AGAP1: variants seen among roughly 807,000 people sequenced by gnomAD.
AGAP1 encodes the protein ArfGAP with GTPase domain, ankyrin repeat and PH domain 1, also known as arf-GAP with GTPase, ANK repeat and PH domain-containing protein 1.
Under a neutral mutation model 105.3 loss-of-function variants are expected in AGAP1, and 29 were observed. That is an observed-to-expected ratio of 0.28 (90% confidence interval 0.21 to 0.38). The LOEUF (loss-of-function observed/expected upper bound fraction) is 0.38. Among genes scored for constraint, AGAP1 ranks in the 10% least tolerant of loss-of-function variants. The pLI is 1.00. For synonymous variants in AGAP1, 509 were observed against 485.9 expected, an observed-to-expected ratio of 1.05 and a Z score of -0.63; for missense variants, 998 against 1,165.1, an observed-to-expected ratio of 0.86 and a Z score of 2.09.
At chr2:235,757,715 A>G (rs1005072328) in intron 6 of AGAP1, among the ~76,000 whole-genome samples, 2 of 152,150 alleles carry the variant, frequency 1.3e-5, no homozygotes, top group Admixed American at 1.3e-4. Context: ...TTGTGCGGGA[A>G]GTCAGGGAGC....
In AGAP1 at chr2:235,675,165, TGTTGGTTG is replaced by T. The variant is rs1227983549; in HGVS notation, c.164-33994_164-33987del. 1.5e-4 allele frequency among the ~76,000 whole-genome samples: 22 copies of T among 150,454 alleles called. 1 individual carries two copies. The highest frequency in any genetic ancestry group is 1.3e-3 in the South Asian group (6 of 4,732). ...ATTTGTTACTGAAAAGGACACTTTTTGTTGGTTGGTTGGTTGGTTGGTTGGTTTTTTTT... is the reference window on the plus strand; with the variant it reads ...ATTTGTTACTGAAAAGGACACTTTTTGTTGGTTGGTTGGTTGGTTTTTTTT... On this transcript the variant is annotated intron_variant, in intron 1 of 17. Coordinates refer to ENST00000304032, the MANE Select transcript of AGAP1 (RefSeq NM_001037131.3).
In AGAP1 at chr2:236,038,549, G is replaced by C. The variant is rs180862004; in HGVS notation, c.1800+1834G>C. Among the ~76,000 whole-genome samples, 3 of 152,182 alleles carry C rather than the reference G, an allele frequency of 2.0e-5. No individual in the cohort carries two copies. The highest frequency in any genetic ancestry group is 4.4e-5 in the Non-Finnish European group (3 of 68,036). The stretch of plus-strand genomic sequence containing the variant: ...GGAATTGCTCCCTTGGGAGGAGGAC[G>C]CGTTGAGCAACCAAAGGTGGCCGAC... On this transcript the variant is annotated intron_variant, in intron 14 of 17. Coordinates refer to ENST00000304032, the MANE Select transcript of AGAP1 (RefSeq NM_001037131.3). The surrounding 1 kb of genome is among the most constrained non-coding windows in gnomAD (Gnocchi z 4.5).
intron 1 of AGAP1, among the ~76,000 whole-genome samples, chr2:235,675,092 GAAATA>G (rs1559335461): frequency 6.6e-6 from 1 of 151,700 alleles, no homozygotes; most frequent in Non-Finnish European, 1.5e-5. Flanking sequence ...GCAATTAAAT[GAAATA>G]AAATTACTGA....
At position 236,038,815 on chromosome 2, in the gene AGAP1, T is replaced by TTGTGTGTGTGTGTG. The variant is rs751193768; in HGVS notation, c.1801-1933_1801-1932insGTGTGTGTGTGTGT. Among the ~76,000 whole-genome samples the TTGTGTGTGTGTGTG allele has an allele frequency of 1.6e-5, 2 of 128,572 alleles. No individual in the cohort carries two copies. The highest frequency in any genetic ancestry group is 4.9e-4 in the South Asian group (2 of 4,062). 84.3% of individuals were successfully genotyped at this position (128,572 alleles called of 152,430 possible). A position where few individuals can be genotyped will look rare whatever the true frequency, so the allele number is the denominator to read the frequency against. On this transcript the variant is annotated intron_variant, in intron 14 of 17. Transcript: ENST00000304032. The surrounding 1 kb of genome is among the most constrained non-coding windows in gnomAD (Gnocchi z 4.5). ...CACAGAGAGACAGAGGCACATCCCTTTGTATGTGTGTGTGTGTGTGTGTGT... is the reference window on the plus strand; with the variant it reads ...CACAGAGAGACAGAGGCACATCCCTTTGTGTGTGTGTGTGTGTATGTGTGTGTGTGTGTGTGTGT...
rs890072176 is a variant in AGAP1, at chr2:236,053,668, A to G, written c.2114+4387A>G. 8.5e-5 allele frequency among the ~76,000 whole-genome samples: 13 copies of G among 152,218 alleles called. No homozygotes were observed. Among genetic ancestry groups the G allele is most frequent in the African/African-American group, 2.9e-4 (12 of 41,470 alleles). ...CTGGTGTCAAAGCATTTGGCCCCCA[A>G]GGCCCTGCAGGGACTCGCTGCTATT... On this transcript the variant is annotated intron_variant, in intron 16 of 17. Coordinates refer to ENST00000304032, the MANE Select transcript of AGAP1 (RefSeq NM_001037131.3). The surrounding 1 kb of genome is among the most constrained non-coding windows in gnomAD (Gnocchi z 4.6).
rs1214146306 is a variant in AGAP1 at position 235,737,836 on chromosome 2, G to C, written c.311-3127G>C. Among the ~76,000 whole-genome samples, 1 of 152,112 alleles carries C rather than the reference G, an allele frequency of 6.6e-6. No individual in the cohort carries two copies. The highest frequency in any genetic ancestry group is 1.5e-5 in the Non-Finnish European group (1 of 68,020). On this transcript the variant is annotated intron_variant, in intron 3 of 17. Transcript: ENST00000304032. The surrounding 1 kb of genome is among the most constrained non-coding windows in gnomAD (Gnocchi z 4.5). ...CCCTTCTTGCTCTGGAGGTGACACA[G>C]TCTAGGGATCTAGTGAGGAATGGGA... is the stretch of plus-strand genomic sequence containing the variant.
chr2:235,565,730 TG>T (rs2149147474), intron 1 of AGAP1, among the ~76,000 whole-genome samples: 1 of 152,310 alleles, frequency 6.6e-6, no homozygotes, highest in Non-Finnish European at 1.5e-5. Flanking sequence ...GCATGATTTC[TG>T]CTCACTGCAA....
At chr2:235,767,663 G>C (rs2149823678) in intron 6 of AGAP1, among the ~76,000 whole-genome samples, 1 of 152,188 alleles carries the variant, frequency 6.6e-6, no homozygotes. Context: ...GACCTTTCCA[G>C]AGGATTAGCA....
chr2:235,731,837 C>T (rs979608279), intron 3 of AGAP1, among the ~76,000 whole-genome samples: 40 of 152,074 alleles, frequency 2.6e-4, no homozygotes, highest in African/African-American at 7.5e-4. Context: ...CGTCAAAAAA[C>T]GCAGGCTCTA....
chr2:236,121,896 C>G lies in AGAP1; in HGVS notation c.2370+1449C>G, dbSNP rs1211919474. Among the ~76,000 whole-genome samples the G allele has an allele frequency of 1.6e-4, 25 of 152,160 alleles. No homozygotes were observed. The highest frequency in any genetic ancestry group is 5.9e-5 in the Non-Finnish European group (4 of 68,040). On this transcript the variant is annotated intron_variant, in intron 17 of 17. Transcript: ENST00000304032. This position sits in a 1 kb window ranked among gnomAD's most constrained non-coding sequence, Gnocchi z 4.9. ...CGGCTGGTAGACGGCCGCCCTCTCC[C>G]TATGTTCTCACAGGGCCTTTCCTCT...
Position 236,040,534 on chromosome 2 carries a change from A to C in AGAP1, c.1801-217A>C. Reference sequence around the variant, plus strand: ...CAGAGTCCGTCTCAGCTGATGAGTTAAAATGTGACATTTCCTCCCTCCCCC... The same window carrying C: ...CAGAGTCCGTCTCAGCTGATGAGTTCAAATGTGACATTTCCTCCCTCCCCC... On this transcript the variant is annotated intron_variant, in intron 14 of 17. Transcript: ENST00000304032. This position sits in a 1 kb window ranked among gnomAD's most constrained non-coding sequence, Gnocchi z 5.6. The C allele has an allele frequency of 3.8e-5, 18 of 474,768 alleles. No individual in the cohort carries two copies. The highest frequency in any genetic ancestry group is 1.2e-4 in the East Asian group (3 of 25,662). 29.4% of individuals were successfully genotyped at this position (474,768 alleles called of 1,614,324 possible).
At chr2:235,763,035 G>GGTGTGTGTGTGTGTGTGTGTGTGTGTGT (rs145122803) in intron 6 of AGAP1, among the ~76,000 whole-genome samples, 2 of 139,976 alleles carry the variant, frequency 1.4e-5, no homozygotes, top group African/African-American at 5.2e-5. Flanking sequence ...TTAAGGCTCG[G>GGTGTGTGTGTGTGTGTGTGTGTGTGTGT]GTGTGTGTGT....
At chr2:235,907,010 T>C (rs2051337829) in intron 10 of AGAP1, among the ~76,000 whole-genome samples, 1 of 151,656 alleles carries the variant, frequency 6.6e-6, no homozygotes, top group African/African-American at 2.4e-5. Context: ...AGTGAGACTC[T>C]TGTCTCAAAA....
At position 236,120,543 on chromosome 2, in the gene AGAP1, G is replaced by T; in HGVS notation, c.2370+96G>T. 6.4e-7 allele frequency: 1 copy of T among 1,558,082 alleles called. No individual in the cohort carries two copies. The highest frequency in any genetic ancestry group is 1.2e-5 in the South Asian group (1 of 81,984). On this transcript the variant is annotated intron_variant, in intron 17 of 17. Coordinates refer to ENST00000304032, the MANE Select transcript of AGAP1 (RefSeq NM_001037131.3). This position sits in a 1 kb window ranked among gnomAD's most constrained non-coding sequence, Gnocchi z 6.0. Reference sequence around the variant, plus strand: ...GGCATCTTTCTGGCAGAAGGCTGTTGTTCTCGATCTGCAAGTGGAAACAGT... The same window carrying T: ...GGCATCTTTCTGGCAGAAGGCTGTTTTTCTCGATCTGCAAGTGGAAACAGT...
In AGAP1 at chr2:235,887,252, C is replaced by G. The variant is rs980883120; in HGVS notation, c.1155+3803C>G. 1.3e-5 allele frequency among the ~76,000 whole-genome samples: 2 copies of G among 152,052 alleles called. No individual in the cohort carries two copies. The highest frequency in any genetic ancestry group is 1.5e-5 in the Non-Finnish European group (1 of 68,024). ...CACATGCAGTGGTGGCATAAGTGGTCAAGTGTTGGGAAAGCTGCCAGGATT... is the reference window on the plus strand; with the variant it reads ...CACATGCAGTGGTGGCATAAGTGGTGAAGTGTTGGGAAAGCTGCCAGGATT... On this transcript the variant is annotated intron_variant, in intron 10 of 17. Coordinates refer to ENST00000304032, the MANE Select transcript of AGAP1 (RefSeq NM_001037131.3). This position sits in a 1 kb window ranked among gnomAD's most constrained non-coding sequence, Gnocchi z 4.1.
chr2:236,025,560 G>A (rs558789500), intron 13 of AGAP1, among the ~76,000 whole-genome samples: 8 of 152,242 alleles, frequency 5.3e-5, no homozygotes, highest in East Asian at 1.9e-4. Flanking sequence ...CATAATGAGC[G>A]TAAATGGTCA....
Position 235,721,674 on chromosome 2 carries a change from T to A in AGAP1, c.310+4030T>A, listed in dbSNP as rs563414305. The stretch of plus-strand genomic sequence containing the variant: ...TCTGCAGCTTAGAGGTTGAATCTGT[T>A]CTATGTCTGTGCGGTTCTGATTTAA... On this transcript the variant is annotated intron_variant, in intron 3 of 17. Transcript: ENST00000304032. This position sits in a 1 kb window ranked among gnomAD's most constrained non-coding sequence, Gnocchi z 4.5. 6.6e-6 allele frequency among the ~76,000 whole-genome samples: 1 copy of A among 152,334 alleles called. No individual in the cohort carries two copies. Among genetic ancestry groups the A allele is most frequent in the African/African-American group, 2.4e-5 (1 of 41,568 alleles).
Position 236,126,381 on chromosome 2 carries a change from T to C in AGAP1, c.*2259T>C, listed in dbSNP as rs960876209. ...GTAGACTCTGTAGTGGACACAGATATAGCATAAATGAAATTGTTAAATTAT... is the reference window on the plus strand; with the variant it reads ...GTAGACTCTGTAGTGGACACAGATACAGCATAAATGAAATTGTTAAATTAT... On this transcript the variant is annotated 3_prime_UTR_variant, in exon 18 of 18. Transcript: ENST00000304032. 2 of 152,212 alleles carry C rather than the reference T, an allele frequency of 1.3e-5. No homozygotes were observed. Among genetic ancestry groups the C allele is most frequent in the African/African-American group, 2.4e-5 (1 of 41,454 alleles). The allele number at this position is 152,212 out of a possible 1,614,324, so 9.4% of individuals were successfully genotyped here.
In AGAP1 at chr2:235,754,626, G is replaced by T. The variant is rs1299058011; in HGVS notation, c.673+4138G>T. Among the ~76,000 whole-genome samples, 1 of 152,160 alleles carries T rather than the reference G, an allele frequency of 6.6e-6. No individual in the cohort carries two copies. Among genetic ancestry groups the T allele is most frequent in the African/African-American group, 2.4e-5 (1 of 41,442 alleles). On this transcript the variant is annotated intron_variant, in intron 6 of 17. Coordinates refer to ENST00000304032, the MANE Select transcript of AGAP1 (RefSeq NM_001037131.3). This position sits in a 1 kb window ranked among gnomAD's most constrained non-coding sequence, Gnocchi z 4.6. ...CATTCACTTTTTGTTCGCTTGTGTG[G>T]TCCTGTTTACTTTGCTTTCATGGAG...
Sources: allele counts gnomAD v4.1 joint callset (sites outside exome capture counted in the v4.1 genomes callset), GRCh38; gene constraint gnomAD v4.1.1; non-coding constraint Gnocchi (gnomAD v3.1); transcripts MANE v1.5; gene names NCBI Gene and HGNC (gene_info 2026-07-23, HGNC 2026-07-21).